Variants in ERCC6 observed in about 807,000 individuals in gnomAD.
ERCC6 encodes ERCC excision repair 6, chromatin remodeling factor.
In ERCC6, 116 loss-of-function variants were observed where a neutral mutation model predicts 158.7. That is an observed-to-expected ratio of 0.73 (90% CI 0.63 to 0.85). The LOEUF (loss-of-function observed/expected upper bound fraction) is 0.85. ERCC6 is among the 40% of genes least tolerant of loss of function. The probability of loss-of-function intolerance (pLI) is 0.00; values close to 1 mark genes in which losing one functional copy is unlikely to be tolerated. For synonymous variants in ERCC6, 678 were observed against 659.3 expected (o/e 1.03, Z -0.43); for missense variants, 1,698 against 1,799.4 (o/e 0.94, Z 1.02).
Position 49,470,428 on chromosome 10 carries a change from A to G in ERCC6, c.3532T>C (p.Phe1178Leu). 1.9e-6 allele frequency: 3 copies of G among 1,614,088 alleles called. No homozygotes were observed. In the South Asian group the frequency reaches 3.3e-5, roughly 18 times the overall value. ...FWENKQMENN[F>L]YKHKSKTKHH... ...TTTGTTTTTGACTTGTGCTTATAAA[A>G]ATTATTTTCCATTTGTTTATTCTCC... Residue 1178 changes from phenylalanine to leucine, a missense_variant, in exon 18 of 21, where the codon TTT (phenylalanine) becomes CTT (leucine). Transcript: ENST00000355832.
At chr10:49,442,234 G>A in the ERCC6 span, among the ~76,000 whole-genome samples, 1 of 152,234 alleles carries the variant, frequency 6.6e-6, no homozygotes, top group Non-Finnish European at 1.5e-5. Flanking sequence ...TGCCACTGAG[G>A]AAGAAGGTGG....
chr10:49,483,442 C>A lies in ERCC6; in HGVS notation c.1896G>T (p.Gln632His). ...ITSYSYIRLM[Q>H]DDISRYDWHY... ...GCCAGTCATACCTGCTAATGTCATC[C>A]TGCATCAATCGAATGTAGGAGTAAG... is the stretch of plus-strand genomic sequence containing the variant. Residue 632 changes from glutamine (Q) to histidine (H), a missense_variant, in exon 9 of 21, where the codon CAG (glutamine) becomes CAT (histidine). Gln to His is a conservative substitution (Grantham distance 24, BLOSUM62 0). Coordinates refer to ENST00000355832, the MANE Select transcript of ERCC6 (RefSeq NM_000124.4). 6.2e-7 allele frequency: 1 copy of A among 1,614,110 alleles called. No individual in the cohort carries two copies. Among genetic ancestry groups the A allele is most frequent in the Non-Finnish European group, 8.5e-7 (1 of 1,179,990 alleles).
intron 11 of ERCC6, among the ~76,000 whole-genome samples, chr10:49,477,117 T>C (rs1270454652): frequency 6.6e-6 from 1 of 152,112 alleles, no homozygotes; most frequent in East Asian, 1.9e-4. Flanking sequence ...ACTGTGCCCA[T>C]GCTCCTCACC....
At chr10:49,448,208 T>C in the ERCC6 span, among the ~76,000 whole-genome samples, 2 of 152,186 alleles carry the variant, frequency 1.3e-5, no homozygotes, top group African/African-American at 4.8e-5. Context: ...GTTATTGAGT[T>C]TTAAAAAAAT....
chr10:49,537,750 C>T (rs904326780), intron 1 of ERCC6, among the ~76,000 whole-genome samples: 2 of 152,188 alleles, frequency 1.3e-5, no homozygotes, highest in African/African-American at 2.4e-5. Context: ...AATTTCGCTC[C>T]GGTTGCCCAG....
intron 4 of ERCC6, chr10:49,525,064 A>T: frequency 9.2e-6 from 5 of 545,730 alleles, no homozygotes; most frequent in Non-Finnish European, 1.5e-5. Flanking sequence ...ATTACTGTAT[A>T]AATACAGTTA....
At chr10:49,516,980 T>C (rs1240381967) in intron 5 of ERCC6, 1 of 1,614,060 alleles carries the variant, frequency 6.2e-7, no homozygotes, top group Admixed American at 1.7e-5. Flanking sequence ...TTCCACCTTC[T>C]TCATCTCCTG....
At chr10:49,474,958 AT>A (rs766962879) in intron 12 of ERCC6, among the ~76,000 whole-genome samples, 8 of 152,230 alleles carry the variant, frequency 5.3e-5, no homozygotes, top group Non-Finnish European at 1.0e-4. Flanking sequence ...CAGAGGAGAA[AT>A]CACCATTAAG....
At chr10:49,465,744 C>T (rs1007381193) in intron 18 of ERCC6, among the ~76,000 whole-genome samples, 2 of 152,206 alleles carry the variant, frequency 1.3e-5, no homozygotes, top group Admixed American at 6.5e-5. Flanking sequence ...TTGCCTGCTG[C>T]TATCCATGAA....
At chr10:49,478,292 G>A (rs1246230749) in intron 11 of ERCC6, 62 bp downstream of exon 11, 9 of 1,106,468 alleles carry the variant, frequency 8.1e-6, no homozygotes, top group Non-Finnish European at 1.3e-5. Context: ...AGGAGAATCA[G>A]AGTGAAGGGA....
At position 49,471,010 on chromosome 10, in the gene ERCC6, G is replaced by A. The variant is rs760146233; in HGVS notation, c.3035C>T (p.Ala1012Val). 3 of 1,614,044 alleles carry A rather than the reference G, an allele frequency of 1.9e-6. No individual in the cohort carries two copies. Among genetic ancestry groups the A allele is most frequent in the Non-Finnish European group, 1.7e-6 (2 of 1,179,988 alleles). Residue 1012 changes from alanine to valine, a missense_variant, in exon 17 of 21, where the codon GCA becomes GTA. Transcript: ENST00000355832. ...YELFTLTSPDASQSTETSAIF... is the reference protein window; with the variant it reads ...YELFTLTSPDVSQSTETSAIF... The stretch of plus-strand genomic sequence containing the variant: ...TGCACTTGTTTCAGTGCTCTGGGAT[G>A]CATCAGGACTAGTCAGAGTAAATAG...
At chr10:49,518,394 A>C (rs1229906065) in intron 5 of ERCC6, among the ~76,000 whole-genome samples, 1 of 152,232 alleles carries the variant, frequency 6.6e-6, no homozygotes, top group Non-Finnish European at 1.5e-5. Context: ...CCTTCCACTG[A>C]CTGCTGCCTT....
At chr10:49,439,607 T>C in the ERCC6 span, among the ~76,000 whole-genome samples, 1 of 152,236 alleles carries the variant, frequency 6.6e-6, no homozygotes, top group Non-Finnish European at 1.5e-5. Context: ...CGTTACTTTA[T>C]GCAAATTTCT....
intron 7 of ERCC6, among the ~76,000 whole-genome samples, chr10:49,494,557 G>A (rs1299359765): frequency 6.6e-6 from 1 of 152,004 alleles, no homozygotes; most frequent in Non-Finnish European, 1.5e-5. Context: ...ATCTCTGCAG[G>A]TGCCCTCCTT....
the ERCC6 span, among the ~76,000 whole-genome samples, chr10:49,440,564 T>G: frequency 2.6e-5 from 4 of 152,178 alleles, no homozygotes; most frequent in African/African-American, 9.7e-5. Context: ...TTTTGTCACA[T>G]GTATGTCTTT....
rs371544606 is a variant in ERCC6 at position 49,524,039 on chromosome 10, C to A, written c.1391G>T (p.Arg464Leu). 36 of 1,613,114 alleles carry A rather than the reference C, an allele frequency of 2.2e-5. No homozygotes were observed. The highest frequency in any genetic ancestry group is 2.9e-5 in the Non-Finnish European group (34 of 1,179,970). The change falls in exon 5 of 21, where the codon CGG (arginine) becomes CTG (leucine). Residue 464 changes from arginine (R) to leucine (L), a missense_variant. Physicochemically the swap from Arg to Leu is moderately radical, Grantham distance 102 (BLOSUM62 -2). Transcript: ENST00000355832. ...ATAATCCCCACAGACCGACCTTAAC[C>A]GCTGCTTATAATAATCTTCATCTCC... ...DDGDEDYYKQ[R>L]LRRWNKLRLQ...
intron 6 of ERCC6, chr10:49,505,017 A>G (rs1028915931): frequency 1.3e-5 from 2 of 152,170 alleles, no homozygotes; most frequent in Non-Finnish European, 2.9e-5. Context: ...TGAATCTATA[A>G]AGGAGACCAA....
rs147792874 is a variant in ERCC6, at chr10:49,525,767, TAACAG to T, written c.653-995_653-991del. Among the ~76,000 whole-genome samples, 816 of 152,176 alleles carry T rather than the reference TAACAG, an allele frequency of 5.4e-3. 8 individuals are homozygous for T. Among genetic ancestry groups the T allele is most frequent in the African/African-American group, 0.017 (714 of 41,494 alleles). ...CTCATAAACTAGCAGCCATATCAAC[TAACAG>T]AATTACTAGCACCACCAGATGAGCC... On this transcript the variant is annotated intron_variant, in intron 4 of 20. Transcript: ENST00000355832.
chr10:49,449,279 A>G (rs572110262), downstream of ERCC6, among the ~76,000 whole-genome samples: 1 of 152,188 alleles, frequency 6.6e-6, no homozygotes, highest in Admixed American at 6.5e-5. Flanking sequence ...TATATTTGGG[A>G]AAATGTCTAA....
Sources: gnomAD v4.1 joint callset for allele counts (sites outside exome capture counted in the v4.1 genomes callset) on GRCh38, gnomAD v4.1.1 for gene constraint, MANE v1.5 for transcripts, NCBI Gene and HGNC (gene_info 2026-07-23, HGNC 2026-07-21) for gene names.